Variants in RIF1 observed in about 807,000 individuals in gnomAD.
RIF1 encodes the protein telomere-associated protein RIF1.
In RIF1, 45 loss-of-function variants were observed where a neutral mutation model predicts 247.1. The ratio of observed to expected loss-of-function variants is 0.18; its 90% CI spans 0.14 to 0.23. The LOEUF (loss-of-function observed/expected upper bound fraction) is 0.23. RIF1 is among the 10% of genes least tolerant of loss of function. The pLI is 1.00. For synonymous variants in RIF1, 1,087 were observed against 978.8 expected, an observed-to-expected ratio of 1.11 and a Z score of -2.06; for missense variants, 2,967 against 2,862.5, an observed-to-expected ratio of 1.04 and a Z score of -0.83.
the RIF1 span, among the ~76,000 whole-genome samples, chr2:151,529,671 C>G: frequency 9.2e-5 from 14 of 152,208 alleles, no homozygotes; most frequent in South Asian, 2.1e-4. Context: ...CCTGGGACCA[C>G]AGGCATGCGC....
At chr2:151,424,824 G>GTTTTT (rs1489278861) in intron 8 of RIF1, among the ~76,000 whole-genome samples, 1 of 67,880 alleles carries the variant, frequency 1.5e-5, no homozygotes, top group African/African-American at 7.5e-5. Flanking sequence ...CAGCCCGGCT[G>GTTTTT]ATTTTTTTTT....
rs559302493 is a variant in RIF1, at chr2:151,436,842, A to G, written c.1211A>G (p.Tyr404Cys). Residue 404 changes from tyrosine (Y) to cysteine (C), a missense_variant, in exon 12 of 36, where the codon TAC (tyrosine) becomes TGC (cysteine). Physicochemically the swap from Tyr to Cys is radical, Grantham distance 194. Coordinates refer to ENST00000444746, the MANE Select transcript of RIF1 (RefSeq NM_018151.5). ...TPVHKGASSP[Y>C]GAPGTPRMNL... ...TTTCTTAAAGGTGCTTCCTCCCCGT[A>G]CGGAGCCCCGGGAACTCCCCGAATG... 1 of 1,598,232 alleles carries G rather than the reference A, an allele frequency of 6.3e-7. No individual in the cohort carries two copies. Among genetic ancestry groups the G allele is most frequent in the African/African-American group, 1.4e-5 (1 of 73,612 alleles).
At chr2:151,423,210 A>G (rs1028367817) in intron 8 of RIF1, 168 bp downstream of exon 8, 1 of 553,810 alleles carries the variant, frequency 1.8e-6, no homozygotes, top group African/African-American at 2.0e-5. Context: ...CAGTACTTGC[A>G]TTGCTTTTGC....
chr2:151,501,517 G>A (rs1354091603), intron 11 of RIF1: 11 of 1,249,206 alleles, frequency 8.8e-6, no homozygotes, highest in Non-Finnish European at 1.1e-5. Context: ...AAATCAACCT[G>A]GACCCATCAT....
chr2:151,454,655 T>G (rs1281032021), intron 21 of RIF1, among the ~76,000 whole-genome samples: 1 of 152,198 alleles, frequency 6.6e-6, no homozygotes, highest in Non-Finnish European at 1.5e-5. Flanking sequence ...TTTCTGGAAT[T>G]CATATTCATG....
At position 151,416,825 on chromosome 2, in the gene RIF1, T is replaced by G. The variant is rs1002610913; in HGVS notation, c.427T>G (p.Ser143Ala). ...TTTTTAGGTATCCAGTATAATTGAT[T>G]CATTAGAAATACTGTTTAACAAAGG... ...VGKMVSSIID[S>A]LEILFNKGET... Residue 143 changes from serine to alanine, a missense_variant, in exon 6 of 36, where the codon TCA becomes GCA. Ser to Ala is a moderately conservative substitution (Grantham distance 99). This residue lies in a region of RIF1 where 269 missense variants were observed against 288.6 expected (regional missense o/e 0.93). Transcript: ENST00000444746. 10 of 1,611,126 alleles carry G rather than the reference T, an allele frequency of 6.2e-6. No individual in the cohort carries two copies. In the African/African-American group the frequency reaches 1.2e-4, roughly 19 times the overall value.
chr2:151,414,392 T>C (rs1456297375), intron 3 of RIF1, among the ~76,000 whole-genome samples: 1 of 152,234 alleles, frequency 6.6e-6, no homozygotes, highest in East Asian at 1.9e-4. Flanking sequence ...ATAGATACTT[T>C]ATAAACGTTA....
At chr2:151,488,507 A>C (rs144475008) in intron 9 of RIF1, among the ~76,000 whole-genome samples, 58 of 151,714 alleles carry the variant, frequency 3.8e-4, no homozygotes, top group African/African-American at 1.4e-3. Flanking sequence ...ATTAGCCTAG[A>C]ATGGCATATA....
In RIF1 at chr2:151,503,403, G is replaced by A. The variant is rs924084939; in HGVS notation, c.*861+218G>A. On this transcript the variant is annotated intron_variant and NMD_transcript_variant, in intron 12 of 13. Transcript: ENST00000454583. ...CTCTCTCAATCTCTGGAGTCACAGT[G>A]GTTGGAATGCCTGTTCCCAAGTTTT... 2 of 1,612,632 alleles carry A rather than the reference G, an allele frequency of 1.2e-6. No individual in the cohort carries two copies. Among genetic ancestry groups the A allele is most frequent in the Non-Finnish European group, 1.7e-6 (2 of 1,178,934 alleles).
Position 151,465,583 on chromosome 2 carries a change from T to C in RIF1, c.6063T>C (p.Asn2021=), listed in dbSNP as rs555385962. 185 of 1,613,772 alleles carry C rather than the reference T, an allele frequency of 1.1e-4. 2 individuals are homozygous for C. Among genetic ancestry groups the C allele is most frequent in the Middle Eastern group, 8.2e-4 (5 of 6,062 alleles). The change falls in exon 30 of 36, where the codon AAT becomes AAC. Residue 2021 remains asparagine, a synonymous_variant. Transcript: ENST00000444746. The part of the protein sequence containing the change: ...SEETNTKMKN[N]EEMMIGEAMA... Reference sequence around the variant, plus strand: ...AAACGAATACCAAAATGAAAAATAATGAAGAAATGATGATCGGCGAGGCAA... The same window carrying C: ...AAACGAATACCAAAATGAAAAATAACGAAGAAATGATGATCGGCGAGGCAA...
At position 151,502,902 on chromosome 2, in the gene RIF1, A is replaced by G. The variant is rs1353520876; in HGVS notation, c.*710-132A>G. ...GTACAAAACCTGTGAGATACAAGAA[A>G]GTACCCAGAGGACATTTAAAACAGG... is the stretch of plus-strand genomic sequence containing the variant. On this transcript the variant is annotated intron_variant and NMD_transcript_variant, in intron 11 of 13. Coordinates refer to the RIF1 transcript ENST00000454583. 4 of 1,459,868 alleles carry G rather than the reference A, an allele frequency of 2.7e-6. No homozygotes were observed. In the Admixed American group the frequency reaches 5.2e-5, roughly 19 times the overall value. 90.4% of individuals were successfully genotyped at this position (1,459,868 alleles called of 1,614,324 possible). A position where few individuals can be genotyped will look rare whatever the true frequency, so the allele number is the denominator to read the frequency against.
At chr2:151,459,452 G>A (rs898576319) in intron 25 of RIF1, among the ~76,000 whole-genome samples, 4 of 152,076 alleles carry the variant, frequency 2.6e-5, no homozygotes, top group Non-Finnish European at 4.4e-5. Flanking sequence ...AGCTAATTTT[G>A]TTTAGAATCT....
At chr2:151,414,166 T>G (rs1307524937) in intron 3 of RIF1, among the ~76,000 whole-genome samples, 5 of 151,614 alleles carry the variant, frequency 3.3e-5, no homozygotes, top group African/African-American at 4.8e-5. Flanking sequence ...TACAAAAATA[T>G]AGGCATGGTG....
rs1276238321 is a variant in RIF1, at chr2:151,479,867, TA to T, written c.*4800del. 1 of 152,218 alleles carries T rather than the reference TA, an allele frequency of 6.6e-6. No homozygotes were observed. Among genetic ancestry groups the T allele is most frequent in the Non-Finnish European group, 1.5e-5 (1 of 68,022 alleles). The allele number at this position is 152,218 out of a possible 1,614,324, so 9.4% of individuals were successfully genotyped here. ...CAAAATTTATTGATAGTTTGATCTG[TA>T]AAACAAATTGGGTTTCGTGCTTTCT... On this transcript the variant is annotated 3_prime_UTR_variant, in exon 36 of 36. Coordinates refer to ENST00000444746, the MANE Select transcript of RIF1 (RefSeq NM_018151.5).
chr2:151,492,412 C>T (rs1328725798), intron 9 of RIF1: 2 of 1,608,776 alleles, frequency 1.2e-6, no homozygotes, highest in Admixed American at 1.7e-5. Context: ...TTGGGTCTCC[C>T]TCACCCGTCT....
At chr2:151,513,733 G>A in the RIF1 span, 2 of 1,322,698 alleles carry the variant, frequency 1.5e-6, no homozygotes, top group Non-Finnish European at 2.1e-6. Flanking sequence ...GTACCTAAAT[G>A]CTACTACTAG....
intron 12 of RIF1, chr2:151,506,079 A>C (rs974918466): frequency 8.7e-7 from 1 of 1,146,036 alleles, no homozygotes; most frequent in African/African-American, 1.5e-5. Flanking sequence ...GTTTCTGGTG[A>C]CAGAGGCTTT....
At chr2:151,460,154 A>G in intron 26 of RIF1, 35 bp downstream of exon 26, 1 of 1,433,044 alleles carries the variant, frequency 7.0e-7, no homozygotes, top group Non-Finnish European at 9.5e-7. Context: ...AAATTTTAAG[A>G]TAAAGTATAT....
chr2:151,506,861 G>A, intron 13 of RIF1: 1 of 1,212,952 alleles, frequency 8.2e-7, no homozygotes, highest in Non-Finnish European at 1.2e-6. Flanking sequence ...AAAGAGGAGA[G>A]TGAAATGACT....
Sources: gnomAD v4.1 joint callset for allele counts (sites outside exome capture counted in the v4.1 genomes callset) on GRCh38, gnomAD v4.1.1 for gene constraint, gnomAD v4.1.1 regional missense constraint, MANE v1.5 for transcripts, NCBI Gene and HGNC (gene_info 2026-07-23, HGNC 2026-07-21) for gene names.